Variants in SEMA5A observed in about 807,000 individuals in gnomAD.
The protein encoded by SEMA5A is semaphorin 5A, also known as semaphorin-5A.
In SEMA5A, 55 loss-of-function variants were observed where a neutral mutation model predicts 135.5. The ratio of observed to expected loss-of-function variants is 0.41; its 90% CI spans 0.33 to 0.51. SEMA5A has a LOEUF of 0.51. Among genes scored for constraint, SEMA5A ranks in the 20% least tolerant of loss-of-function variants. The probability of loss-of-function intolerance (pLI) is 0.37; values close to 1 mark genes in which losing one functional copy is unlikely to be tolerated. For missense variants in SEMA5A, 1,290 were observed against 1,419.9 expected, an observed-to-expected ratio of 0.91 and a Z score of 1.47; for synonymous variants, 580 against 546.5, an observed-to-expected ratio of 1.06 and a Z score of -0.85.
chr5:9,290,446 G>A (rs1274685234), intron 5 of SEMA5A, among the ~76,000 whole-genome samples: 1 of 152,026 alleles, frequency 6.6e-6, no homozygotes, highest in Non-Finnish European at 1.5e-5. Flanking sequence ...GTTGACTGAT[G>A]GGCATTTGGA....
At chr5:9,455,834 A>G (rs1208900406) in intron 1 of SEMA5A, among the ~76,000 whole-genome samples, 1 of 152,218 alleles carries the variant, frequency 6.6e-6, no homozygotes, top group Non-Finnish European at 1.5e-5. Flanking sequence ...CATGAAAGGA[A>G]GGCTTACGAC....
chr5:9,256,510 C>T (rs1749074777), intron 5 of SEMA5A, among the ~76,000 whole-genome samples: 1 of 152,148 alleles, frequency 6.6e-6, no homozygotes, highest in African/African-American at 2.4e-5. Flanking sequence ...TAAGAGTAGA[C>T]CATTCTTTGC....
chr5:9,283,390 C>A (rs984850984), intron 5 of SEMA5A, among the ~76,000 whole-genome samples: 1 of 152,120 alleles, frequency 6.6e-6, no homozygotes, highest in Non-Finnish European at 1.5e-5. Flanking sequence ...GGAATGCCCA[C>A]CCCTGTCTGC....
chr5:9,248,556 CA>C (rs57718636), intron 5 of SEMA5A, among the ~76,000 whole-genome samples: 29 of 143,924 alleles, frequency 2.0e-4, no homozygotes, highest in Non-Finnish European at 2.0e-4. Flanking sequence ...ACTCATACGG[CA>C]AAAAAAAAAA....
At position 9,118,967 on chromosome 5, in the gene SEMA5A, TGGCGGTGCTGGCA is replaced by T; in HGVS notation, c.1925+18_1925+30del. ...GCCGGAATGAGAGTAAGCGTGAGGC[TGGCGGTGCTGGCA>T]GCAGGGTGGGCACGTACCTTTCCTC... On this transcript the variant is annotated intron_variant, in intron 15 of 22. Transcript: ENST00000382496. 1 of 1,607,196 alleles carries T rather than the reference TGGCGGTGCTGGCA, an allele frequency of 6.2e-7. No homozygotes were observed.
rs1747198414 is a variant in SEMA5A, at chr5:9,224,787, TCC to T, written c.531_532del (p.Glu178AlafsTer13). ...ATCCATGGCTGTAGCAGCATAGAGCTCCCCACCAGCTGTGAGGAGCGCTGTGG... is the reference window on the plus strand; with the variant it reads ...ATCCATGGCTGTAGCAGCATAGAGCTCCACCAGCTGTGAGGAGCGCTGTGG... On this transcript the variant is annotated frameshift_variant, in exon 8 of 23. Transcript: ENST00000382496. LOFTEE classifies it high-confidence loss of function. 1 of 1,613,826 alleles carries T rather than the reference TCC, an allele frequency of 6.2e-7. No individual in the cohort carries two copies. Among genetic ancestry groups the T allele is most frequent in the African/African-American group, 1.3e-5 (1 of 74,816 alleles).
intron 16 of SEMA5A, among the ~76,000 whole-genome samples, chr5:9,090,727 T>A (rs185883459): frequency 6.6e-6 from 1 of 152,308 alleles, no homozygotes; most frequent in African/African-American, 2.4e-5. Flanking sequence ...ACAGGGCACC[T>A]GCAACCGGGG....
chr5:9,351,280 G>A (rs1209499011), intron 3 of SEMA5A, among the ~76,000 whole-genome samples: 1 of 152,072 alleles, frequency 6.6e-6, no homozygotes, highest in Non-Finnish European at 1.5e-5. Context: ...TCATGATCCA[G>A]TTCCCTCCAA....
At chr5:9,191,600 G>A (rs559187274) in intron 10 of SEMA5A, among the ~76,000 whole-genome samples, 59 of 147,490 alleles carry the variant, frequency 4.0e-4, no homozygotes, top group African/African-American at 1.5e-3. Context: ...AGGTGCAAAC[G>A]TATAAGATGG....
At chr5:9,174,174 A>G (rs1744082684) in intron 11 of SEMA5A, among the ~76,000 whole-genome samples, 2 of 152,240 alleles carry the variant, frequency 1.3e-5, no homozygotes, top group African/African-American at 2.4e-5. Flanking sequence ...GCCATTGTCA[A>G]TAATTGCACC....
At chr5:9,455,955 T>G (rs1331979698) in intron 1 of SEMA5A, among the ~76,000 whole-genome samples, 1 of 152,124 alleles carries the variant, frequency 6.6e-6, no homozygotes, top group East Asian at 1.9e-4. Flanking sequence ...GGACACATTA[T>G]GGAGAATCTC....
At position 9,037,603 on chromosome 5, in the gene SEMA5A, AATC is replaced by A. The variant is rs1489662944; in HGVS notation, c.*5291_*5293del. On this transcript the variant is annotated 3_prime_UTR_variant, in exon 23 of 23. Transcript: ENST00000382496. ...GGAGTATTTAAAGAGTCGTTTTAGA[AATC>A]ATCACCAGCAGTTCAACATTACATC... 1 of 152,192 alleles carries A rather than the reference AATC, an allele frequency of 6.6e-6. No individual in the cohort carries two copies. The highest frequency in any genetic ancestry group is 1.5e-5 in the Non-Finnish European group (1 of 68,036). The allele number at this position is 152,192 out of a possible 1,614,324, so 9.4% of individuals were successfully genotyped here.
At chr5:9,190,162 A>T (rs1579573775) in intron 11 of SEMA5A, 105 bp downstream of exon 11, 2 of 1,214,206 alleles carry the variant, frequency 1.6e-6, no homozygotes, top group South Asian at 2.8e-5. Context: ...AAAAAGAGAC[A>T]TCAGGCGTAA....
chr5:9,139,713 A>G (rs1380357509), intron 12 of SEMA5A, among the ~76,000 whole-genome samples: 1 of 152,174 alleles, frequency 6.6e-6, no homozygotes, highest in African/African-American at 2.4e-5. Context: ...CTTGAGATAT[A>G]CATGTTATAA....
intron 2 of SEMA5A, among the ~76,000 whole-genome samples, chr5:9,399,341 G>A (rs1579476851): frequency 6.6e-6 from 1 of 152,140 alleles, no homozygotes; most frequent in African/African-American, 2.4e-5. Flanking sequence ...TTGAAAACAT[G>A]ATAAGTGAAA....
At chr5:9,374,140 A>T (rs1333396806) in intron 3 of SEMA5A, among the ~76,000 whole-genome samples, 2 of 152,238 alleles carry the variant, frequency 1.3e-5, no homozygotes, top group Admixed American at 6.5e-5. Flanking sequence ...AATCAGGGCT[A>T]AATATTCCAG....
chr5:9,139,772 G>A (rs970684061), intron 12 of SEMA5A, among the ~76,000 whole-genome samples: 1 of 152,124 alleles, frequency 6.6e-6, no homozygotes, highest in Non-Finnish European at 1.5e-5. Flanking sequence ...AGCATCTAAT[G>A]TGTGTTCCAT....
In SEMA5A at chr5:9,051,301, C is replaced by A. The variant is rs188550209; in HGVS notation, c.2845+572G>T. On this transcript the variant is annotated intron_variant, in intron 20 of 22. Coordinates refer to ENST00000382496, the MANE Select transcript of SEMA5A (RefSeq NM_003966.3). ...TCCTAAGGCACACAGTGGACATATG[C>A]GCAATGATCTATGCATTCATATAGC... Among the ~76,000 whole-genome samples, 4 of 152,258 alleles carry A rather than the reference C, an allele frequency of 2.6e-5. No homozygotes were observed. In the East Asian group the frequency reaches 5.8e-4, roughly 22 times the overall value.
intron 5 of SEMA5A, among the ~76,000 whole-genome samples, chr5:9,249,383 G>A (rs1004288507): frequency 7.9e-5 from 12 of 152,206 alleles, no homozygotes; most frequent in East Asian, 1.9e-4. Context: ...GCCATTTCTG[G>A]TCACGTTGCC....
Sources: allele counts gnomAD v4.1 joint callset (sites outside exome capture counted in the v4.1 genomes callset), GRCh38; gene constraint gnomAD v4.1.1; transcripts MANE v1.5; gene names NCBI Gene and HGNC (gene_info 2026-07-23, HGNC 2026-07-21).